CEP128: variants seen among roughly 807,000 people sequenced by gnomAD.
CEP128 encodes the protein centrosomal protein 128.
In CEP128, 132 loss-of-function variants were observed where a neutral mutation model predicts 156.7. The observed-to-expected ratio is 0.84, with a 90% CI of 0.73 to 0.97. CEP128 has a LOEUF of 0.97. Among genes scored for constraint, CEP128 ranks in the 50% least tolerant of loss-of-function variants. The pLI is 0.00. For synonymous variants in CEP128, 469 were observed against 448.9 expected, an observed-to-expected ratio of 1.04 and a Z score of -0.57; for missense variants, 1,252 against 1,281.9, an observed-to-expected ratio of 0.98 and a Z score of 0.36.
At chr14:80,625,533 G>C (rs1893675990) in intron 19 of CEP128, among the ~76,000 whole-genome samples, 1 of 152,046 alleles carries the variant, frequency 6.6e-6, no homozygotes, top group African/African-American at 2.4e-5. Flanking sequence ...TGCATCTGTA[G>C]ATTGCTTTGG....
intron 13 of CEP128, among the ~76,000 whole-genome samples, chr14:80,798,748 T>C (rs1197228049): frequency 6.6e-6 from 1 of 152,172 alleles, no homozygotes; most frequent in African/African-American, 2.4e-5. Context: ...TTAAGAGACA[T>C]AAAGTAGACT....
chr14:80,835,753 A>G (rs1376432828), intron 12 of CEP128, among the ~76,000 whole-genome samples: 1 of 152,204 alleles, frequency 6.6e-6, no homozygotes, highest in Non-Finnish European at 1.5e-5. Flanking sequence ...AGTTGTGATT[A>G]ATTTTTGTCA....
rs553651872 is a variant in CEP128, at chr14:80,708,683, C to T, written c.2806+34392G>A. On this transcript the variant is annotated intron_variant, in intron 19 of 24. Transcript: ENST00000555265. ...GCAATCAAATTAGTCAATCTTTACTCCCTGATTGCCTCTGAATTTTAGCTA... is the reference window on the plus strand; with the variant it reads ...GCAATCAAATTAGTCAATCTTTACTTCCTGATTGCCTCTGAATTTTAGCTA... Among the ~76,000 whole-genome samples, 7 of 152,168 alleles carry T rather than the reference C, an allele frequency of 4.6e-5. No individual in the cohort carries two copies. The East Asian group carries it at 9.6e-4, about 21-fold the overall frequency.
chr14:80,483,018 C>A (rs1018257564), intron 14 of CEP128, among the ~76,000 whole-genome samples: 2 of 152,126 alleles, frequency 1.3e-5, no homozygotes, highest in African/African-American at 4.8e-5. Flanking sequence ...GTCGAGAAAG[C>A]TCAGCAAAGA....
intron 20 of CEP128, among the ~76,000 whole-genome samples, chr14:80,563,522 A>ATTTTTTTTTTT (rs1595010139): frequency 7.5e-5 from 8 of 107,174 alleles, no homozygotes; most frequent in East Asian, 3.6e-4. Context: ...GGGCCTCCAA[A>ATTTTTTTTTTT]TCTTTTTTTT....
chr14:80,794,125 G>A (rs1270954673), intron 13 of CEP128, among the ~76,000 whole-genome samples: 1 of 152,160 alleles, frequency 6.6e-6, no homozygotes, highest in Non-Finnish European at 1.5e-5. Context: ...CCAGGGGTTG[G>A]AATGAGGCTG....
At position 80,865,347 on chromosome 14, in the gene CEP128, C is replaced by T. The variant is rs554295403; in HGVS notation, c.646-2474G>A. On this transcript the variant is annotated intron_variant, in intron 8 of 24. Coordinates refer to ENST00000555265, the MANE Select transcript of CEP128 (RefSeq NM_152446.5). ...TTATCTGTTCTTTGGTCAATAGATA[C>T]TTAAATTGTTTCCATATCTTGACTA... is the stretch of plus-strand genomic sequence containing the variant. Among the ~76,000 whole-genome samples the T allele has an allele frequency of 2.0e-5, 3 of 152,222 alleles. No individual in the cohort carries two copies. In the South Asian group the frequency reaches 6.2e-4, roughly 32 times the overall value.
chr14:80,712,174 A>G (rs1344777455), intron 19 of CEP128, among the ~76,000 whole-genome samples: 2 of 152,292 alleles, frequency 1.3e-5, no homozygotes, highest in Non-Finnish European at 2.9e-5. Flanking sequence ...CTGTAACACA[A>G]TAAGGAGTTT....
intron 19 of CEP128, among the ~76,000 whole-genome samples, chr14:80,595,777 A>G (rs551347604): frequency 6.6e-6 from 1 of 152,294 alleles, no homozygotes; most frequent in Non-Finnish European, 1.5e-5. Flanking sequence ...ACAGTTCCAC[A>G]TGGCTGGGGA....
chr14:80,856,067 T>A (rs1030368051), intron 9 of CEP128, among the ~76,000 whole-genome samples: 3 of 152,142 alleles, frequency 2.0e-5, no homozygotes, highest in African/African-American at 7.2e-5. Flanking sequence ...AAAAAAAGTA[T>A]CGATTACTTT....
At position 80,584,216 on chromosome 14, in the gene CEP128, G is replaced by A. The variant is rs531913543; in HGVS notation, c.2807-3793C>T. 5.0e-5 allele frequency among the ~76,000 whole-genome samples: 7 copies of A among 139,450 alleles called. No homozygotes were observed. In the East Asian group the frequency reaches 6.5e-4, roughly 13 times the overall value. The allele number at this position is 139,450 out of a possible 152,430, so 91.5% of individuals were successfully genotyped here. A position where few individuals can be genotyped will look rare whatever the true frequency, so the allele number is the denominator to read the frequency against. ...GACTGGAGTGCAGTGGCGCCATCTC[G>A]GCTCACTGAAACCTCCACCTCCTGG... is the stretch of plus-strand genomic sequence containing the variant. On this transcript the variant is annotated intron_variant, in intron 19 of 24. Coordinates refer to ENST00000555265, the MANE Select transcript of CEP128 (RefSeq NM_152446.5).
chr14:80,516,936 C>CCTAT (rs1333873903), intron 23 of CEP128, among the ~76,000 whole-genome samples: 3 of 152,154 alleles, frequency 2.0e-5, no homozygotes, highest in African/African-American at 7.2e-5. Flanking sequence ...AAGTTTGATT[C>CCTAT]ATATAGGAGT....
chr14:80,581,035 T>C (rs1003892170), intron 19 of CEP128, among the ~76,000 whole-genome samples: 1 of 152,098 alleles, frequency 6.6e-6, no homozygotes, highest in Non-Finnish European at 1.5e-5. Context: ...CCAGAGAAAT[T>C]AGTGGTTGGA....
intron 19 of CEP128, among the ~76,000 whole-genome samples, chr14:80,597,597 T>C (rs1211690979): frequency 2.2e-5 from 3 of 138,360 alleles, no homozygotes; most frequent in East Asian, 2.1e-4. Context: ...CCAAAAACAA[T>C]AGACAATTGT....
At chr14:80,619,050 A>C (rs865988338) in intron 19 of CEP128, among the ~76,000 whole-genome samples, 1 of 152,206 alleles carries the variant, frequency 6.6e-6, no homozygotes, top group South Asian at 2.1e-4. Flanking sequence ...GGTTAAGTGT[A>C]AAAATGAACA....
At chr14:80,659,835 T>C (rs1895324001) in intron 19 of CEP128, among the ~76,000 whole-genome samples, 1 of 152,186 alleles carries the variant, frequency 6.6e-6, no homozygotes, top group South Asian at 2.1e-4. Context: ...TGTGCAATTA[T>C]ATGACATACC....
chr14:80,894,562 T>C (rs760641313), intron 8 of CEP128: 9 of 441,698 alleles, frequency 2.0e-5, no homozygotes, highest in Middle Eastern at 4.1e-4. Flanking sequence ...AAAAAAAATA[T>C]ATCTTGATAT....
intron 19 of CEP128, among the ~76,000 whole-genome samples, chr14:80,692,288 G>T (rs1363097843): frequency 6.6e-6 from 1 of 152,118 alleles, no homozygotes; most frequent in African/African-American, 2.4e-5. Context: ...GTTATATAAA[G>T]ATCATGGCTC....
chr14:80,563,296 G>A (rs1655474795), intron 20 of CEP128, among the ~76,000 whole-genome samples: 1 of 152,004 alleles, frequency 6.6e-6, no homozygotes, highest in African/African-American at 2.4e-5. Flanking sequence ...AGGAGAAGTA[G>A]ACAAGGGAAG....
Sources: gnomAD v4.1 joint callset for allele counts (sites outside exome capture counted in the v4.1 genomes callset) on GRCh38, gnomAD v4.1.1 for gene constraint, MANE v1.5 for transcripts, NCBI Gene and HGNC (gene_info 2026-07-23, HGNC 2026-07-21) for gene names.